Variants in WDR45B observed in about 807,000 individuals in gnomAD.
WDR45B encodes WD repeat domain 45B.
In WDR45B, 20 loss-of-function variants were observed where a neutral mutation model predicts 44.6. That is an observed-to-expected ratio of 0.45 (90% CI 0.32 to 0.65). The LOEUF (loss-of-function observed/expected upper bound fraction) is 0.65. WDR45B is among the 30% of genes least tolerant of loss of function. The probability of loss-of-function intolerance (pLI) is 0.05; values close to 1 mark genes in which losing one functional copy is unlikely to be tolerated. For synonymous variants in WDR45B, 169 were observed against 164.9 expected (o/e 1.02, Z -0.19); for missense variants, 323 against 430.2 (o/e 0.75, Z 2.20).
Position 82,623,358 on chromosome 17 carries a change from G to A in WDR45B, c.428-1559C>T, listed in dbSNP as rs528080578. Reference sequence around the variant, plus strand: ...GCTGAGATCGCACCACTGCACTCCAGCCTGGGCAACAGAGCGAGACTCTAT... The same window carrying A: ...GCTGAGATCGCACCACTGCACTCCAACCTGGGCAACAGAGCGAGACTCTAT... On this transcript the variant is annotated intron_variant, in intron 5 of 9. Transcript: ENST00000392325. Among the ~76,000 whole-genome samples, 195 of 143,258 alleles carry A rather than the reference G, an allele frequency of 1.4e-3. 1 individual carries two copies. Among genetic ancestry groups the A allele is most frequent in the Non-Finnish European group, 9.0e-4 (60 of 66,870 alleles). 94.0% of individuals were successfully genotyped at this position (143,258 alleles called of 152,430 possible).
intron 5 of WDR45B, 152 bp downstream of exon 5, chr17:82,625,237 G>A (rs1224711723): frequency 2.6e-6 from 2 of 772,760 alleles, no homozygotes; most frequent in Non-Finnish European, 2.2e-6. Flanking sequence ...TGTGGGTCCT[G>A]GAAGGTCCAT....
At chr17:82,642,456 A>C (rs1311065086) in intron 2 of WDR45B, among the ~76,000 whole-genome samples, 1 of 152,252 alleles carries the variant, frequency 6.6e-6, no homozygotes. Flanking sequence ...AAAAGGCTGC[A>C]GACCGCTGCT....
intron 2 of WDR45B, among the ~76,000 whole-genome samples, chr17:82,634,741 T>C (rs1409611193): frequency 6.6e-6 from 1 of 152,032 alleles, no homozygotes; most frequent in Non-Finnish European, 1.5e-5. Context: ...TTCTCATTTA[T>C]GATTTTGTCA....
At chr17:82,638,239 G>A (rs1377333337) in intron 2 of WDR45B, among the ~76,000 whole-genome samples, 1 of 4,012 alleles carries the variant, frequency 2.5e-4, no homozygotes, top group Non-Finnish European at 7.5e-4. Context: ...GAGGAGGGGA[G>A]GGGAGGGGAG....
At chr17:82,640,965 C>T (rs1444017561) in intron 2 of WDR45B, among the ~76,000 whole-genome samples, 4 of 59,062 alleles carry the variant, frequency 6.8e-5, no homozygotes, top group African/African-American at 9.5e-5. Context: ...TGTTTCTTGT[C>T]TGGGTTTTTT....
At chr17:82,617,470 TGTC>T in intron 7 of WDR45B, 73 bp from the exon 8 acceptor site, 1 of 1,433,780 alleles carries the variant, frequency 7.0e-7, no homozygotes, top group Non-Finnish European at 9.8e-7. Context: ...CCACAGCACT[TGTC>T]GACACTGTGG....
chr17:82,642,899 T>C (rs1381470780), intron 2 of WDR45B, among the ~76,000 whole-genome samples: 1 of 152,234 alleles, frequency 6.6e-6, no homozygotes, highest in Non-Finnish European at 1.5e-5. Context: ...CAGTAAAAAG[T>C]ATCCTGAGAT....
intron 1 of WDR45B, among the ~76,000 whole-genome samples, chr17:82,647,135 AG>A (rs1252954931): frequency 6.6e-6 from 1 of 152,230 alleles, no homozygotes; most frequent in Non-Finnish European, 1.5e-5. Flanking sequence ...AGCCTGAGGC[AG>A]GAGAATGGCG....
intron 4 of WDR45B, chr17:82,626,877 C>G: frequency 2.7e-6 from 1 of 375,748 alleles, no homozygotes; most frequent in South Asian, 2.7e-5. Context: ...CAGGGTAATT[C>G]AAGGCTCAAA....
At chr17:82,618,892 A>G in intron 7 of WDR45B, 151 bp downstream of exon 7, 1 of 704,498 alleles carries the variant, frequency 1.4e-6, no homozygotes, top group Non-Finnish European at 2.6e-6. Flanking sequence ...TAAAAAGCTG[A>G]AACCCAACCC....
intron 2 of WDR45B, among the ~76,000 whole-genome samples, chr17:82,634,150 C>CAAAAA (rs36183298): frequency 0.044 from 1,390 of 31,904 alleles, 147 homozygotes; most frequent in Middle Eastern, 0.22. Flanking sequence ...GACTCCATCT[C>CAAAAA]AAAAAAAAAA....
chr17:82,633,999 A>AC (rs2045801080), intron 2 of WDR45B, among the ~76,000 whole-genome samples: 2 of 151,422 alleles, frequency 1.3e-5, no homozygotes, highest in Admixed American at 1.3e-4. Context: ...AAATTCAAAA[A>AC]AATTAGCCAG....
At chr17:82,627,166 G>A (rs1170856282) in intron 4 of WDR45B, 38 bp downstream of exon 4, 2 of 1,500,488 alleles carry the variant, frequency 1.3e-6, no homozygotes, top group South Asian at 1.1e-5. Context: ...TTGAGAAAGT[G>A]AAATACCACT....
At chr17:82,627,712 G>C (rs2045717102) in intron 3 of WDR45B, among the ~76,000 whole-genome samples, 1 of 152,174 alleles carries the variant, frequency 6.6e-6, no homozygotes, top group East Asian at 1.9e-4. Context: ...CCCGGTCCCG[G>C]TCTCAGGCGA....
intron 1 of WDR45B, among the ~76,000 whole-genome samples, chr17:82,645,163 T>C (rs946144713): frequency 6.6e-6 from 1 of 151,980 alleles, no homozygotes; most frequent in African/African-American, 2.4e-5. Context: ...CCAGTCGTGG[T>C]GGTGAGCGCC....
At position 82,643,962 on chromosome 17, in the gene WDR45B, T is replaced by C; in HGVS notation, c.129A>G (p.Glu43=). The C allele has an allele frequency of 6.2e-7, 1 of 1,614,160 alleles. No individual in the cohort carries two copies. Among genetic ancestry groups the C allele is most frequent in the Non-Finnish European group, 8.5e-7 (1 of 1,180,012 alleles). Residue 43 remains glutamate (E), a synonymous_variant, in exon 2 of 10, where the codon GAA becomes GAG. Transcript: ENST00000392325. ...GTTAATTCTTACCTTGTTTCTCTTTTTCTTTTAGTGGATCAGTGTTATAGA... is the reference window on the plus strand; with the variant it reads ...GTTAATTCTTACCTTGTTTCTCTTTCTCTTTTAGTGGATCAGTGTTATAGA... The part of the protein sequence containing the change: ...FRVYNTDPLK[E]KEKQEFLEGG...
Position 82,621,672 on chromosome 17 carries a change from C to T in WDR45B, c.555G>A (p.Glu185=), listed in dbSNP as rs1302505316. 11 of 1,614,090 alleles carry T rather than the reference C, an allele frequency of 6.8e-6. No individual in the cohort carries two copies. The highest frequency in any genetic ancestry group is 1.3e-5 in the African/African-American group (1 of 74,928). Residue 185 remains glutamate (E), a synonymous_variant, in exon 6 of 10, where the codon GAG becomes GAA. Transcript: ENST00000392325. Reference sequence around the variant, plus strand: ...TGAGTGCAATGCAGCTCAGGACACCCTCGTGTGCAGGAATGTCCACGGGTG... The same window carrying T: ...TGAGTGCAATGCAGCTCAGGACACCTTCGTGTGCAGGAATGTCCACGGGTG... ...EKPPVDIPAH[E]GVLSCIALNL...
chr17:82,616,490 G>A, intron 9 of WDR45B, 34 bp downstream of exon 9: 1 of 1,612,712 alleles, frequency 6.2e-7, no homozygotes, highest in Non-Finnish European at 8.5e-7. Context: ...AGGTGGGGCG[G>A]GTGGGGACGT....
At chr17:82,631,581 G>T (rs953225307) in intron 2 of WDR45B, among the ~76,000 whole-genome samples, 1 of 89,504 alleles carries the variant, frequency 1.1e-5, no homozygotes, top group African/African-American at 5.0e-5. Context: ...CACTGTGCCC[G>T]GCCTACAGGA....
Sources: gnomAD v4.1 joint callset for allele counts (sites outside exome capture counted in the v4.1 genomes callset) on GRCh38, gnomAD v4.1.1 for gene constraint, MANE v1.5 for transcripts, NCBI Gene and HGNC (gene_info 2026-07-23, HGNC 2026-07-21) for gene names.